The following NBPF8 variants were observed in gnomAD, a reference collection of about 807,000 sequenced individuals.
NBPF8 encodes NBPF member 8, also known as NBPF family member NBPF8.
At chr1:120,423,335 G>A (rs1660623068) in intron 1 of NBPF8, among the ~76,000 whole-genome samples, 2 of 107,294 alleles carry the variant, frequency 1.9e-5, no homozygotes, top group East Asian at 2.0e-4. Flanking sequence ...TTTTTTGCAT[G>A]TGGTTGTCCA....
chr1:120,428,472 G>C (rs1182393956), intron 3 of NBPF8, among the ~76,000 whole-genome samples: 1 of 151,974 alleles, frequency 6.6e-6, no homozygotes, highest in South Asian at 2.1e-4. Flanking sequence ...TCTGCCTTCT[G>C]TGCCCACAAT....
At chr1:120,428,707 CTT>C (rs1455792393) in intron 3 of NBPF8, among the ~76,000 whole-genome samples, 77 of 151,662 alleles carry the variant, frequency 5.1e-4, no homozygotes, top group Non-Finnish European at 9.9e-4. Context: ...GTGAGCATCT[CTT>C]CTATTCTCTT....
rs1181447565 is a variant in NBPF8, at chr1:120,450,213, C to A, written n.1971+811C>A. ...TTGCACTCCAGCCTGGGCGACAGGG[C>A]AAGACTGTTAAAAATAATAATAATA... On this transcript the variant is annotated intron_variant and non_coding_transcript_variant, in intron 11 of 24. Transcript: ENST00000583271. 2.3e-3 allele frequency among the ~76,000 whole-genome samples: 352 copies of A among 151,766 alleles called. 5 individuals carry two copies. Among genetic ancestry groups the A allele is most frequent in the East Asian group, 0.02 (102 of 5,164 alleles).
intron 16 of NBPF8, among the ~76,000 whole-genome samples, chr1:120,455,941 T>A (rs1553249626): frequency 2.5e-4 from 38 of 152,166 alleles, no homozygotes; most frequent in Non-Finnish European, 4.7e-4. Context: ...TTGCTTTAAA[T>A]GTGTCCCAGA....
At chr1:120,450,542 T>C (rs1184478385) in intron 11 of NBPF8, among the ~76,000 whole-genome samples, 1 of 152,192 alleles carries the variant, frequency 6.6e-6, no homozygotes, top group Non-Finnish European at 1.5e-5. Context: ...TCCTAGAACA[T>C]TTATTGGCAC....
intron 18 of NBPF8, among the ~76,000 whole-genome samples, chr1:120,461,029 T>TGG (rs1661573505): frequency 2.4e-5 from 2 of 82,964 alleles, no homozygotes; most frequent in Non-Finnish European, 4.7e-5. Flanking sequence ...TGTGTGTGTG[T>TGG]GTGTGTGTGT....
intron 22 of NBPF8, among the ~76,000 whole-genome samples, 196 bp downstream of exon 20, chr1:120,463,923 C>G (rs1661658605): frequency 3.4e-5 from 1 of 29,470 alleles, no homozygotes. Context: ...ATTTACTAAC[C>G]TACTGTAGGT....
downstream of NBPF8, among the ~76,000 whole-genome samples, chr1:120,468,821 C>T (rs1419670075): frequency 6.6e-6 from 1 of 151,410 alleles, no homozygotes; most frequent in Non-Finnish European, 1.5e-5. Flanking sequence ...TGAACAGGCC[C>T]TCCCTGCTGT....
chr1:120,464,520 A>T lies in NBPF8; in HGVS notation n.3431A>T, dbSNP rs1427282459. The T allele has an allele frequency of 6.0e-6, 6 of 1,005,356 alleles. No homozygotes were observed. In the East Asian group the frequency reaches 1.4e-4, roughly 24 times the overall value. 62.3% of individuals were successfully genotyped at this position (1,005,356 alleles called of 1,614,324 possible). A position where few individuals can be genotyped will look rare whatever the true frequency, so the allele number is the denominator to read the frequency against. ...GTTCCTTTTATGCATTGGAGGAAAA[A>T]CATGTTGGCTTTTCTCTTGACGTGG... On this transcript the variant is annotated non_coding_transcript_exon_variant, in exon 23 of 25. Transcript: ENST00000583271.
At chr1:120,434,209 C>T (rs1660998756), upstream of NBPF8, among the ~76,000 whole-genome samples, 1 of 148,018 alleles carries the variant, frequency 6.8e-6, no homozygotes, top group Non-Finnish European at 1.5e-5. Context: ...CCTCGCTCCG[C>T]CACTTAAAAA....
At chr1:120,415,136 G>A (rs1235480029), upstream of NBPF8, among the ~76,000 whole-genome samples, 1 of 152,186 alleles carries the variant, frequency 6.6e-6, no homozygotes, top group Admixed American at 6.5e-5. Flanking sequence ...GAGGCTGCGT[G>A]AGCATCTGAG....
chr1:120,468,153 T>TTTTC (rs1661796799), downstream of NBPF8, among the ~76,000 whole-genome samples: 5 of 150,722 alleles, frequency 3.3e-5, no homozygotes, highest in South Asian at 8.5e-4. Flanking sequence ...ACATGATGTG[T>TTTTC]TTTCTTTTTC....
chr1:120,415,189 C>A (rs1318945783), upstream of NBPF8, among the ~76,000 whole-genome samples: 3 of 152,158 alleles, frequency 2.0e-5, no homozygotes, highest in Admixed American at 1.3e-4. Flanking sequence ...CGACCTGTGG[C>A]GCCAGGAGCG....
intron 16 of NBPF8, among the ~76,000 whole-genome samples, chr1:120,456,856 C>T (rs1187348754): frequency 1.3e-5 from 2 of 151,654 alleles, no homozygotes; most frequent in Non-Finnish European, 1.5e-5. Context: ...TTCTTCCTAG[C>T]GTCAATGGTC....
In NBPF8 at chr1:120,457,030, T is replaced by G. The variant is rs1441689523; in HGVS notation, n.2620+1570T>G. ...TTCTCCTTCACTTATGAAGCTTTGTTTGGCTGGATATGAAATTCTTGGTTG... is the reference window on the plus strand; with the variant it reads ...TTCTCCTTCACTTATGAAGCTTTGTGTGGCTGGATATGAAATTCTTGGTTG... On this transcript the variant is annotated intron_variant and non_coding_transcript_variant, in intron 16 of 24. Transcript: ENST00000583271. 5.9e-5 allele frequency among the ~76,000 whole-genome samples: 9 copies of G among 151,742 alleles called. No individual in the cohort carries two copies. The East Asian group carries it at 1.4e-3, about 23-fold the overall frequency.
chr1:120,450,244 G>A (rs141803616), intron 11 of NBPF8, among the ~76,000 whole-genome samples: 7 of 152,042 alleles, frequency 4.6e-5, no homozygotes, highest in South Asian at 2.1e-4. Context: ...TAATAATAAT[G>A]ATAAATAAAA....
intron 3 of NBPF8, among the ~76,000 whole-genome samples, chr1:120,428,689 G>T (rs1464636558): frequency 6.6e-6 from 1 of 151,864 alleles, no homozygotes; most frequent in Non-Finnish European, 1.5e-5. Context: ...TGCGGTCTGT[G>T]GTTCTCTGTG....
Position 120,464,137 on chromosome 1 carries a change from G to C in NBPF8, n.3287-239G>C, listed in dbSNP as rs1553250588. Reference sequence around the variant, plus strand: ...TCGTTCTCTCTCTCTCTCTCTCTGTGTGTGTGTGTGTGTGTGTGTGTGTGT... The same window carrying C: ...TCGTTCTCTCTCTCTCTCTCTCTGTCTGTGTGTGTGTGTGTGTGTGTGTGT... On this transcript the variant is annotated intron_variant and non_coding_transcript_variant, in intron 22 of 24. Transcript: ENST00000583271. 7.3e-3 allele frequency among the ~76,000 whole-genome samples: 388 copies of C among 53,390 alleles called. 3 individuals carry two copies. Among genetic ancestry groups the C allele is most frequent in the Non-Finnish European group, 9.5e-3 (279 of 29,376 alleles). 35.0% of individuals were successfully genotyped at this position (53,390 alleles called of 152,430 possible). A position where few individuals can be genotyped will look rare whatever the true frequency, so the allele number is the denominator to read the frequency against.
chr1:120,460,492 G>A (rs1169411325), intron 17 of NBPF8, 81 bp from the exon 16 acceptor site: 4 of 842,520 alleles, frequency 4.7e-6, no homozygotes, highest in Admixed American at 1.7e-5. Context: ...ATGTCCCTGT[G>A]TTAGGATTGG....
Sources: gnomAD v4.1 joint callset for allele counts (sites outside exome capture counted in the v4.1 genomes callset) on GRCh38, gnomAD v4.1.1 for gene constraint, MANE v1.5 for transcripts, NCBI Gene and HGNC (gene_info 2026-07-23, HGNC 2026-07-21) for gene names.